TMEM163: variants seen among roughly 807,000 people sequenced by gnomAD.
The protein encoded by TMEM163 is transmembrane protein 163.
In TMEM163, 17 loss-of-function variants were observed where a neutral mutation model predicts 29.3. The ratio of observed to expected loss-of-function variants is 0.58; its 90% CI spans 0.40 to 0.87. TMEM163 has a LOEUF of 0.87. TMEM163 is among the 40% of genes least tolerant of loss of function. The probability of loss-of-function intolerance (pLI) is 0.00; values close to 1 mark genes in which losing one functional copy is unlikely to be tolerated. For missense variants in TMEM163, 303 were observed against 381.5 expected, an observed-to-expected ratio of 0.79 and a Z score of 1.71; for synonymous variants, 157 against 160.6, an observed-to-expected ratio of 0.98 and a Z score of 0.17.
intron 2 of TMEM163, among the ~76,000 whole-genome samples, chr2:134,628,753 C>T (rs1449122013): frequency 6.6e-6 from 1 of 152,244 alleles, no homozygotes; most frequent in African/African-American, 2.4e-5. Context: ...CATGTGCCGT[C>T]TCCCTTTGCT....
intron 2 of TMEM163, among the ~76,000 whole-genome samples, chr2:134,581,231 T>C (rs1030669259): frequency 3.3e-5 from 5 of 152,172 alleles, no homozygotes; most frequent in Admixed American, 6.5e-5. Flanking sequence ...TTTTCTTTTT[T>C]AAACCAAGCT....
chr2:134,490,077 T>C (rs1461835904), intron 5 of TMEM163, among the ~76,000 whole-genome samples: 1 of 152,200 alleles, frequency 6.6e-6, no homozygotes, highest in Non-Finnish European at 1.5e-5. Flanking sequence ...GCGAGTCTAG[T>C]CCTCCAAGAG....
chr2:134,537,738 TA>T (rs1259496164), intron 4 of TMEM163, among the ~76,000 whole-genome samples: 1 of 152,150 alleles, frequency 6.6e-6, no homozygotes, highest in Non-Finnish European at 1.5e-5. Context: ...TTTGTGCCAT[TA>T]AAATCAAGCT....
intron 4 of TMEM163, among the ~76,000 whole-genome samples, chr2:134,513,027 T>C (rs115876984): frequency 1.3e-3 from 201 of 152,282 alleles, no homozygotes; most frequent in African/African-American, 4.4e-3. Context: ...TGGATCAGGA[T>C]ATAGTACTGA....
chr2:134,675,590 G>GA (rs201033571), intron 2 of TMEM163, among the ~76,000 whole-genome samples: 36 of 149,822 alleles, frequency 2.4e-4, no homozygotes, highest in East Asian at 7.8e-4. Flanking sequence ...TTCCCTGTCT[G>GA]AAAAAAAAAT....
intron 2 of TMEM163, among the ~76,000 whole-genome samples, chr2:134,584,113 G>A (rs1274455924): frequency 6.6e-6 from 1 of 152,204 alleles, no homozygotes; most frequent in Non-Finnish European, 1.5e-5. Context: ...CTTGGCAGAT[G>A]TAAAGGTTAA....
intron 2 of TMEM163, among the ~76,000 whole-genome samples, chr2:134,646,134 G>C (rs1335854342): frequency 6.6e-6 from 1 of 151,322 alleles, no homozygotes; most frequent in Non-Finnish European, 1.5e-5. Context: ...ACCCAGGCTA[G>C]AGTGCAATGG....
intron 6 of TMEM163, among the ~76,000 whole-genome samples, chr2:134,465,604 C>T (rs963615042): frequency 1.3e-5 from 2 of 152,244 alleles, no homozygotes; most frequent in Admixed American, 1.3e-4. Context: ...CAGGGACACA[C>T]ACAGACTTTT....
chr2:134,514,366 C>G (rs372519658), intron 4 of TMEM163, among the ~76,000 whole-genome samples: 2 of 146,534 alleles, frequency 1.4e-5, no homozygotes, highest in African/African-American at 5.1e-5. Flanking sequence ...ATAAAATACA[C>G]TAACGATACT....
intron 2 of TMEM163, among the ~76,000 whole-genome samples, chr2:134,581,994 G>T (rs1681704465): frequency 1.3e-5 from 2 of 152,198 alleles, no homozygotes; most frequent in South Asian, 2.1e-4. Flanking sequence ...GCGCATAGAA[G>T]TATCAACAGC....
chr2:134,622,781 A>G (rs1375447219), intron 2 of TMEM163, among the ~76,000 whole-genome samples: 1 of 151,878 alleles, frequency 6.6e-6, no homozygotes, highest in Admixed American at 6.6e-5. Flanking sequence ...TTTCTTTTTG[A>G]GACGAAGTTT....
At chr2:134,471,509 T>C (rs1350910538) in intron 5 of TMEM163, among the ~76,000 whole-genome samples, 1 of 152,198 alleles carries the variant, frequency 6.6e-6, no homozygotes, top group African/African-American at 2.4e-5. Flanking sequence ...TGGACTTCAG[T>C]CTCCAGAACT....
At position 134,458,266 on chromosome 2, in the gene TMEM163, T is replaced by G. The variant is rs530738190; in HGVS notation, c.668-93A>C. On this transcript the variant is annotated intron_variant, in intron 6 of 7. Coordinates refer to ENST00000281924, the MANE Select transcript of TMEM163 (RefSeq NM_030923.5). ...GTCCTGCCTCCACGTAACTGGAGCA[T>G]GTGCTGGGAGGAATGATGCCCAAAG... 180 of 1,491,064 alleles carry G rather than the reference T, an allele frequency of 1.2e-4. No individual in the cohort carries two copies. In the East Asian group the frequency reaches 3.9e-3, roughly 33 times the overall value. The allele number at this position is 1,491,064 out of a possible 1,614,324, so 92.4% of individuals were successfully genotyped here.
chr2:134,610,683 C>A (rs1682487894), intron 2 of TMEM163, among the ~76,000 whole-genome samples: 1 of 152,208 alleles, frequency 6.6e-6, no homozygotes, highest in Non-Finnish European at 1.5e-5. Context: ...CTGGAGATTT[C>A]TGTACAAATG....
At chr2:134,621,920 A>T (rs1025700122) in intron 2 of TMEM163, among the ~76,000 whole-genome samples, 1 of 152,054 alleles carries the variant, frequency 6.6e-6, no homozygotes, top group African/African-American at 2.4e-5. Context: ...ATAAAAAAAA[A>T]CTAAACCCAA....
intron 2 of TMEM163, among the ~76,000 whole-genome samples, chr2:134,587,325 T>C (rs543327305): frequency 6.6e-6 from 1 of 152,104 alleles, no homozygotes; most frequent in Non-Finnish European, 1.5e-5. Flanking sequence ...GGCAGGAGAA[T>C]TGCTTGAACC....
intron 2 of TMEM163, among the ~76,000 whole-genome samples, chr2:134,702,788 G>T (rs550802070): frequency 6.6e-6 from 1 of 151,954 alleles, no homozygotes; most frequent in Non-Finnish European, 1.5e-5. Context: ...TCAATAGAAA[G>T]GTAGGAATAT....
intron 2 of TMEM163, among the ~76,000 whole-genome samples, chr2:134,590,695 A>G (rs554589651): frequency 6.6e-6 from 1 of 152,318 alleles, no homozygotes; most frequent in African/African-American, 2.4e-5. Flanking sequence ...TCCTAATTAT[A>G]TGCTAAACAA....
intron 2 of TMEM163, among the ~76,000 whole-genome samples, chr2:134,553,470 A>T (rs1386894569): frequency 1.3e-5 from 2 of 152,194 alleles, no homozygotes; most frequent in East Asian, 1.9e-4. Context: ...TAGAACAGCA[A>T]CTTGTAAATG....
Sources: allele counts gnomAD v4.1 joint callset (sites outside exome capture counted in the v4.1 genomes callset), GRCh38; gene constraint gnomAD v4.1.1; transcripts MANE v1.5; gene names NCBI Gene and HGNC (gene_info 2026-07-23, HGNC 2026-07-21).